Variants in PRKCH observed in about 807,000 individuals in gnomAD.
PRKCH encodes the protein protein kinase C eta type.
PRKCH carries 28 observed loss-of-function variants against 82.5 expected under a neutral mutation model. That is an observed-to-expected ratio of 0.34 (90% CI 0.25 to 0.47). PRKCH has a LOEUF of 0.47. Among genes scored for constraint, PRKCH ranks in the 20% least tolerant of loss-of-function variants. PRKCH has a pLI of 1.00. For missense variants in PRKCH, 705 were observed against 881.8 expected (o/e 0.80, Z 2.54); for synonymous variants, 322 against 327.4 (o/e 0.98, Z 0.18).
chr14:61,290,640 A>G (rs2045353101), intron 1 of PRKCH, among the ~76,000 whole-genome samples: 1 of 152,230 alleles, frequency 6.6e-6, no homozygotes, highest in Admixed American at 6.5e-5. Flanking sequence ...CAGGGTTTGA[A>G]CAAGGATTCT....
chr14:61,379,135 G>A (rs549635838), intron 1 of PRKCH, among the ~76,000 whole-genome samples: 60 of 152,102 alleles, frequency 3.9e-4, no homozygotes, highest in Non-Finnish European at 6.9e-4. Flanking sequence ...CATTTACACA[G>A]CTTACATTTG....
At position 61,491,832 on chromosome 14, in the gene PRKCH, C is replaced by T. The variant is rs561513569; in HGVS notation, c.1433+6176C>T. On this transcript the variant is annotated intron_variant, in intron 10 of 13. Transcript: ENST00000332981. ...TGGTATGAGCAAAAACAAAAATACTCGCCAGTGGAGGGTATGATCCAGTGA... is the reference window on the plus strand; with the variant it reads ...TGGTATGAGCAAAAACAAAAATACTTGCCAGTGGAGGGTATGATCCAGTGA... Among the ~76,000 whole-genome samples the T allele has an allele frequency of 6.8e-4, 103 of 152,270 alleles. 1 individual carries two copies. The highest frequency in any genetic ancestry group is 5.9e-4 in the Admixed American group (9 of 15,284).
At chr14:61,435,156 C>T (rs1025587917) in intron 2 of PRKCH, among the ~76,000 whole-genome samples, 14 of 152,182 alleles carry the variant, frequency 9.2e-5, no homozygotes, top group African/African-American at 3.1e-4. Context: ...CTCAGTTGCC[C>T]ACCCTGGAAA....
chr14:61,419,048 A>T (rs946070261), intron 2 of PRKCH, among the ~76,000 whole-genome samples: 6 of 152,144 alleles, frequency 3.9e-5, no homozygotes, highest in Admixed American at 3.9e-4. Context: ...GCCTGCCGTT[A>T]TGTCCTACTA....
chr14:61,341,639 A>G (rs969096850), intron 1 of PRKCH, among the ~76,000 whole-genome samples: 6 of 152,128 alleles, frequency 3.9e-5, no homozygotes, highest in African/African-American at 1.4e-4. Context: ...ATAGTAGGGG[A>G]TTGTGAGCCT....
intron 2 of PRKCH, among the ~76,000 whole-genome samples, chr14:61,409,151 C>T (rs1471417428): frequency 6.6e-6 from 1 of 152,136 alleles, no homozygotes. Context: ...TGGTGAGGAC[C>T]GACTGTGCCA....
rs767441680 is a variant in PRKCH, at chr14:61,322,356, C to T, written c.255C>T (p.Ala85=). ...NVTDGGHLEL[A]VFHETPLGYD... ...CCGACGGCGGCCACCTCGAGTTGGC[C>T]GTCTTCCACGAGACGCCCCTGGGCT... The change falls in exon 1 of 14, where the codon GCC becomes GCT. Residue 85 remains alanine, a synonymous_variant. Coordinates refer to ENST00000332981, the MANE Select transcript of PRKCH (RefSeq NM_006255.5). 9.9e-6 allele frequency: 16 copies of T among 1,613,194 alleles called. No homozygotes were observed. Among genetic ancestry groups the T allele is most frequent in the Non-Finnish European group, 1.4e-5 (16 of 1,179,934 alleles).
In PRKCH at chr14:61,280,783, C is replaced by T; in HGVS notation, c.-19+93115C>T. On this transcript the variant is annotated intron_variant, in intron 1 of 3. Transcript: ENST00000555185. The surrounding 1 kb of genome is among the most constrained non-coding windows in gnomAD (Gnocchi z 5.0). ...GTCGTCGCGGGACACGCCGTAGCGC[C>T]GGTTGTTCTGGTAGAAGTTGGTCAG... 6.4e-7 allele frequency: 1 copy of T among 1,555,926 alleles called. No individual in the cohort carries two copies. The highest frequency in any genetic ancestry group is 8.6e-7 in the Non-Finnish European group (1 of 1,159,792).
chr14:61,264,833 A>G (rs1002508084), intron 1 of PRKCH, among the ~76,000 whole-genome samples: 6 of 152,154 alleles, frequency 3.9e-5, no homozygotes, highest in Admixed American at 3.3e-4. Flanking sequence ...GAGAGGCTTG[A>G]ATTCCTTAGA....
chr14:61,436,474 A>G (rs992213896), intron 2 of PRKCH, among the ~76,000 whole-genome samples: 1 of 152,200 alleles, frequency 6.6e-6, no homozygotes, highest in Admixed American at 6.5e-5. Context: ...AGCTGTTTTC[A>G]AAAAACACAG....
intron 1 of PRKCH, among the ~76,000 whole-genome samples, chr14:61,378,066 T>A (rs1016867303): frequency 6.6e-6 from 1 of 152,162 alleles, no homozygotes; most frequent in Non-Finnish European, 1.5e-5. Context: ...ATTAGTTCTA[T>A]CACTTCTCAC....
chr14:61,532,490 G>A (rs1243728480), intron 12 of PRKCH, among the ~76,000 whole-genome samples: 1 of 152,086 alleles, frequency 6.6e-6, no homozygotes, highest in African/African-American at 2.4e-5. Flanking sequence ...CTAATTTTTT[G>A]TCTTTACATT....
At chr14:61,245,121 C>T (rs1398815531) in intron 1 of PRKCH, among the ~76,000 whole-genome samples, 1 of 152,136 alleles carries the variant, frequency 6.6e-6, no homozygotes, top group Non-Finnish European at 1.5e-5. Context: ...CATGCTTAGA[C>T]AAGAAATACC....
chr14:61,309,004 C>T (rs182999561), intron 1 of PRKCH, among the ~76,000 whole-genome samples: 7 of 152,064 alleles, frequency 4.6e-5, no homozygotes, highest in East Asian at 3.9e-4. Flanking sequence ...TACCTCTGAG[C>T]GGGGCACCAT....
chr14:61,395,856 G>T lies in PRKCH; in HGVS notation c.427+4568G>T, dbSNP rs934690943. On this transcript the variant is annotated intron_variant, in intron 2 of 13. Transcript: ENST00000332981. ...GCACTTTGGGAGGCTGAGGCAGGCAGATTGCTTGAGCTCAGGAGTTTGAGA... is the reference window on the plus strand; with the variant it reads ...GCACTTTGGGAGGCTGAGGCAGGCATATTGCTTGAGCTCAGGAGTTTGAGA... Among the ~76,000 whole-genome samples the T allele has an allele frequency of 2.6e-4, 39 of 152,124 alleles. 1 individual carries two copies. Among genetic ancestry groups the T allele is most frequent in the Admixed American group, 1.6e-3 (24 of 15,270 alleles).
intron 1 of PRKCH, among the ~76,000 whole-genome samples, chr14:61,289,504 T>C (rs1354269067): frequency 1.3e-5 from 2 of 152,156 alleles, no homozygotes; most frequent in Non-Finnish European, 2.9e-5. Context: ...TGCAGGAGTT[T>C]GAGACCAGCC....
intron 2 of PRKCH, among the ~76,000 whole-genome samples, 198 bp downstream of exon 2, chr14:61,391,486 A>C (rs76576766): frequency 6.6e-6 from 1 of 152,182 alleles, no homozygotes; most frequent in Non-Finnish European, 1.5e-5. Flanking sequence ...ATATTTGCTA[A>C]ATCTGGCAAT....
At chr14:61,293,013 A>G in intron 1 of PRKCH, among the ~76,000 whole-genome samples, 1 of 152,182 alleles carries the variant, frequency 6.6e-6, no homozygotes, top group Non-Finnish European at 1.5e-5. Context: ...GTTCTGTGGG[A>G]ATAGTGTATA....
At chr14:61,336,979 G>A (rs942944059) in intron 1 of PRKCH, among the ~76,000 whole-genome samples, 1 of 146,466 alleles carries the variant, frequency 6.8e-6, no homozygotes, top group Admixed American at 7.1e-5. Flanking sequence ...TGAGGCATGA[G>A]AATTGCTTGA....
Sources: allele counts gnomAD v4.1 joint callset (sites outside exome capture counted in the v4.1 genomes callset), GRCh38; gene constraint gnomAD v4.1.1; non-coding constraint Gnocchi (gnomAD v3.1); transcripts MANE v1.5; gene names NCBI Gene and HGNC (gene_info 2026-07-23, HGNC 2026-07-21).